TEK: variants seen among roughly 807,000 people sequenced by gnomAD.
TEK encodes the protein TEK receptor tyrosine kinase.
Under a neutral mutation model 131.8 loss-of-function variants are expected in TEK, and 43 were observed. The observed-to-expected ratio is 0.33, with a 90% confidence interval of 0.26 to 0.42. The LOEUF (loss-of-function observed/expected upper bound fraction) is 0.42, where lower values mean the gene tolerates loss of function less well. Among genes scored for constraint, TEK ranks in the 10% least tolerant of loss-of-function variants. The probability of loss-of-function intolerance (pLI) is 1.00; values close to 1 mark genes in which losing one functional copy is unlikely to be tolerated. For synonymous variants in TEK, 580 were observed against 491.6 expected (o/e 1.18, Z -2.38); for missense variants, 1,162 against 1,384.4 (o/e 0.84, Z 2.55).
At position 27,197,369 on chromosome 9, in the gene TEK, A is replaced by G. The variant is rs1211813067; in HGVS notation, c.1679A>G (p.Asn560Ser). The part of the protein sequence containing the change: ...NLLPKSQTTL[N>S]LTWQPIFPSS... ...CTGCCTAAAAGTCAGACCACTCTAA[A>G]TTTGACCTGGCAACCAATATTTCCA... Residue 560 changes from asparagine (N) to serine (S), a missense_variant, in exon 12 of 23, where the codon AAT (asparagine) becomes AGT (serine). By Grantham distance (46) the Asn-to-Ser change is conservative (BLOSUM62 1). Transcript: ENST00000380036. 6.2e-7 allele frequency: 1 copy of G among 1,614,116 alleles called. No individual in the cohort carries two copies. Among genetic ancestry groups the G allele is most frequent in the Non-Finnish European group, 8.5e-7 (1 of 1,179,998 alleles).
chr9:27,225,005 C>G (rs1826255807), intron 21 of TEK, among the ~76,000 whole-genome samples: 1 of 152,164 alleles, frequency 6.6e-6, no homozygotes, highest in South Asian at 2.1e-4. Flanking sequence ...CTCTCATTCA[C>G]AACTGCTACA....
At chr9:27,130,625 A>C (rs1007318908) in intron 1 of TEK, among the ~76,000 whole-genome samples, 1 of 135,420 alleles carries the variant, frequency 7.4e-6, no homozygotes, top group Non-Finnish European at 1.6e-5. Flanking sequence ...AGATTAAAGT[A>C]CTTTTTTTTT....
chr9:27,183,126 T>A (rs1824454936), intron 7 of TEK, among the ~76,000 whole-genome samples: 1 of 152,088 alleles, frequency 6.6e-6, no homozygotes, highest in Non-Finnish European at 1.5e-5. Flanking sequence ...AACAGCAAAG[T>A]CTAGGGGAGA....
chr9:27,158,058 A>G lies in TEK; in HGVS notation c.280A>G (p.Ser94Gly). ...AGTTGTTTGGAAGAGAGAAAAGGCT[A>G]GTAAGATCAATGGTGCTTATTTCTG... The part of the protein sequence containing the change: ...KKVVWKREKA[S>G]KINGAYFCEG... The change falls in exon 2 of 23, where the codon AGT becomes GGT. Residue 94 changes from serine (S) to glycine (G), a missense_variant. This residue lies in a region of TEK where 436 missense variants were observed against 539.1 expected (regional missense o/e 0.81). Transcript: ENST00000380036. 3 of 1,614,172 alleles carry G rather than the reference A, an allele frequency of 1.9e-6. No individual in the cohort carries two copies. Among genetic ancestry groups the G allele is most frequent in the Non-Finnish European group, 2.5e-6 (3 of 1,180,026 alleles).
chr9:27,133,983 GAGGTAC>G (rs1266765479), intron 1 of TEK, among the ~76,000 whole-genome samples: 4 of 152,208 alleles, frequency 2.6e-5, no homozygotes, highest in Non-Finnish European at 5.9e-5. Context: ...ATAGTCGTTA[GAGGTAC>G]AGGTTTGAAA....
Position 27,173,718 on chromosome 9 carries a change from G to C in TEK, c.901+356G>C, listed in dbSNP as rs138209733. ...TGCTTTGAGTAGGAAGACCATAGAA[G>C]ACTTGTTTTTTTTTTTTGGTTTTTT... On this transcript the variant is annotated intron_variant, in intron 6 of 22. Transcript: ENST00000380036. Among the ~76,000 whole-genome samples the C allele has an allele frequency of 3.3e-3, 461 of 137,622 alleles. 1 individual carries two copies. Among genetic ancestry groups the C allele is most frequent in the African/African-American group, 0.012 (438 of 37,150 alleles). The allele number at this position is 137,622 out of a possible 152,430, so 90.3% of individuals were successfully genotyped here.
In TEK at chr9:27,229,426, T is replaced by A; in HGVS notation, c.*194T>A. 1.6e-6 allele frequency: 1 copy of A among 625,948 alleles called. No individual in the cohort carries two copies. The allele number at this position is 625,948 out of a possible 1,614,324, so 38.8% of individuals were successfully genotyped here. On this transcript the variant is annotated 3_prime_UTR_variant, in exon 23 of 23. Transcript: ENST00000380036. Reference sequence around the variant, plus strand: ...GCTCTGACTCTAATAGGACTGTATATACTGTTTTAAGAATGGGCTGAAATC... The same window carrying A: ...GCTCTGACTCTAATAGGACTGTATAAACTGTTTTAAGAATGGGCTGAAATC...
chr9:27,228,187 T>C lies in TEK; in HGVS notation c.3201-19T>C. ...AAGCACAGTTATAGAATTAACCCTTTAATTCTTTGCTTTCGAAGGTATGAT... is the reference window on the plus strand; with the variant it reads ...AAGCACAGTTATAGAATTAACCCTTCAATTCTTTGCTTTCGAAGGTATGAT... On this transcript the variant is annotated intron_variant, in intron 21 of 22. Transcript: ENST00000380036. 1 of 1,602,858 alleles carries C rather than the reference T, an allele frequency of 6.2e-7. No homozygotes were observed. Among genetic ancestry groups the C allele is most frequent in the Non-Finnish European group, 8.5e-7 (1 of 1,170,342 alleles).
intron 1 of TEK, among the ~76,000 whole-genome samples, chr9:27,114,709 T>C (rs941745620): frequency 3.9e-5 from 6 of 152,252 alleles, no homozygotes; most frequent in Non-Finnish European, 8.8e-5. Flanking sequence ...GTTTAGCTTA[T>C]ATTAAATGTT....
In TEK at chr9:27,131,279, C is replaced by T. The variant is rs533060641; in HGVS notation, c.52+21637C>T. Among the ~76,000 whole-genome samples the T allele has an allele frequency of 8.6e-5, 13 of 151,882 alleles. No homozygotes were observed. In the East Asian group the frequency reaches 1.8e-3, roughly 21 times the overall value. Reference sequence around the variant, plus strand: ...GGCAGATCACTTAAGGTCAGGAGTTCGAGACCAGCCTGGCCTGGCCAACAT... The same window carrying T: ...GGCAGATCACTTAAGGTCAGGAGTTTGAGACCAGCCTGGCCTGGCCAACAT... On this transcript the variant is annotated intron_variant, in intron 1 of 22. Transcript: ENST00000380036.
intron 6 of TEK, among the ~76,000 whole-genome samples, chr9:27,178,476 G>GT (rs1824250728): frequency 6.6e-6 from 1 of 151,970 alleles, no homozygotes; most frequent in African/African-American, 2.4e-5. Flanking sequence ...TTTTAGTATC[G>GT]TTTTTTCTAT....
At chr9:27,222,138 C>T (rs1020917510) in intron 21 of TEK, among the ~76,000 whole-genome samples, 2 of 152,070 alleles carry the variant, frequency 1.3e-5, no homozygotes, top group African/African-American at 4.8e-5. Flanking sequence ...GAAAGGATAT[C>T]AGATACTGAA....
intron 1 of TEK, among the ~76,000 whole-genome samples, chr9:27,112,786 C>T (rs913103035): frequency 6.6e-6 from 1 of 152,100 alleles, no homozygotes; most frequent in African/African-American, 2.4e-5. Flanking sequence ...AAAACCAAAA[C>T]AAAAAGATAC....
intron 18 of TEK, among the ~76,000 whole-genome samples, chr9:27,216,583 G>A (rs1587035380): frequency 6.6e-6 from 1 of 152,268 alleles, no homozygotes; most frequent in Non-Finnish European, 1.5e-5. Context: ...ATAGGTAGAT[G>A]TGAGAAAAAA....
In TEK at chr9:27,216,844, T is replaced by C. The variant is rs1825836615; in HGVS notation, c.2992-844T>C. On this transcript the variant is annotated intron_variant, in intron 18 of 22. Transcript: ENST00000380036. ...ACCCACTGGCTAATCTAGGTGGAGATGCCACTGTGAAAGTCTGGACAAATC... is the reference window on the plus strand; with the variant it reads ...ACCCACTGGCTAATCTAGGTGGAGACGCCACTGTGAAAGTCTGGACAAATC... Among the ~76,000 whole-genome samples the C allele has an allele frequency of 2.6e-5, 4 of 152,222 alleles. No individual in the cohort carries two copies. In the South Asian group the frequency reaches 8.3e-4, roughly 32 times the overall value.
intron 11 of TEK, among the ~76,000 whole-genome samples, chr9:27,196,619 C>T (rs489552): frequency 0.19 from 29,652 of 152,100 alleles, 3,310 homozygotes; most frequent in Non-Finnish European, 0.25. Context: ...ACCATTGGCT[C>T]ATGGTTCTGC....
chr9:27,200,799 G>T (rs563705059), intron 12 of TEK, among the ~76,000 whole-genome samples: 4 of 152,118 alleles, frequency 2.6e-5, no homozygotes, highest in Non-Finnish European at 4.4e-5. Context: ...TTTACATGGG[G>T]AGTATTTGAC....
chr9:27,180,038 A>G (rs1446625359), intron 6 of TEK, among the ~76,000 whole-genome samples: 1 of 152,162 alleles, frequency 6.6e-6, no homozygotes, highest in Admixed American at 6.5e-5. Context: ...GAAAGTTGGC[A>G]TGATAGGAGC....
intron 2 of TEK, among the ~76,000 whole-genome samples, chr9:27,162,777 G>A (rs540938003): frequency 4.0e-5 from 6 of 151,738 alleles, no homozygotes; most frequent in African/African-American, 7.3e-5. Flanking sequence ...GTGCAGTGGC[G>A]CGATCTCGGC....
Sources: allele counts gnomAD v4.1 joint callset (sites outside exome capture counted in the v4.1 genomes callset), GRCh38; gene constraint gnomAD v4.1.1; regional missense constraint gnomAD v4.1.1; transcripts MANE v1.5; gene names NCBI Gene and HGNC (gene_info 2026-07-23, HGNC 2026-07-21).